The following TMEM132C variants were observed in gnomAD, a reference collection of about 807,000 sequenced individuals.
TMEM132C encodes the protein transmembrane protein 132C.
In TMEM132C, 29 loss-of-function variants were observed where a neutral mutation model predicts 61.4. The ratio of observed to expected loss-of-function variants is 0.47; its 90% CI spans 0.35 to 0.64. TMEM132C has a LOEUF of 0.64. Among genes scored for constraint, TMEM132C ranks in the 30% least tolerant of loss-of-function variants. The pLI, the probability that TMEM132C is intolerant of heterozygous loss-of-function variation, is 0.00. For synonymous variants in TMEM132C, 656 were observed against 633.1 expected, an observed-to-expected ratio of 1.04 and a Z score of -0.54; for missense variants, 1,408 against 1,476.9, an observed-to-expected ratio of 0.95 and a Z score of 0.76.
At chr12:128,537,327 C>T (rs375855437) in intron 2 of TMEM132C, among the ~76,000 whole-genome samples, 1 of 152,136 alleles carries the variant, frequency 6.6e-6, no homozygotes, top group East Asian at 1.9e-4. Context: ...CAAGTCTTTC[C>T]AAATGGCTGG....
intron 4 of TMEM132C, among the ~76,000 whole-genome samples, chr12:128,627,620 G>A (rs543718052): frequency 9.9e-5 from 15 of 152,276 alleles, no homozygotes; most frequent in South Asian, 6.2e-4. Context: ...CCCAAGCACC[G>A]GCACCCCAGG....
At chr12:128,468,561 C>T (rs957532907) in intron 2 of TMEM132C, among the ~76,000 whole-genome samples, 7 of 151,986 alleles carry the variant, frequency 4.6e-5, no homozygotes, top group East Asian at 3.9e-4. Flanking sequence ...TCAGGTGATC[C>T]GCCCGCCTCG....
chr12:128,495,119 G>A (rs954048137), intron 2 of TMEM132C, among the ~76,000 whole-genome samples: 17 of 149,980 alleles, frequency 1.1e-4, no homozygotes, highest in African/African-American at 4.2e-4. Flanking sequence ...TCATTCAGGA[G>A]CAGGTTGTTC....
chr12:128,323,130 G>A (rs1872391013), intron 1 of TMEM132C, among the ~76,000 whole-genome samples: 1 of 152,214 alleles, frequency 6.6e-6, no homozygotes, highest in Admixed American at 6.5e-5. Flanking sequence ...AGTACTGAGA[G>A]CATTACAGAA....
intron 3 of TMEM132C, among the ~76,000 whole-genome samples, chr12:128,596,605 C>A (rs1262113493): frequency 2.0e-5 from 3 of 150,790 alleles, no homozygotes; most frequent in East Asian, 3.9e-4. Context: ...GGCACCAGGG[C>A]TTCACTGATC....
chr12:128,406,163 A>G (rs1272250193), intron 1 of TMEM132C, among the ~76,000 whole-genome samples: 1 of 152,180 alleles, frequency 6.6e-6, no homozygotes, highest in Non-Finnish European at 1.5e-5. Flanking sequence ...ATTGGCTCCA[A>G]TTCTTCCTAC....
At chr12:128,327,507 C>T (rs1044328968) in intron 1 of TMEM132C, among the ~76,000 whole-genome samples, 5 of 139,756 alleles carry the variant, frequency 3.6e-5, no homozygotes, top group African/African-American at 1.7e-4. Flanking sequence ...CTCAACCTCC[C>T]GAGTAGCTGG....
At position 128,344,409 on chromosome 12, in the gene TMEM132C, C is replaced by T. The variant is rs543411239; in HGVS notation, c.86-70323C>T. Among the ~76,000 whole-genome samples the T allele has an allele frequency of 4.6e-4, 70 of 152,266 alleles. 1 individual carries two copies. The South Asian group carries it at 0.014, about 30-fold the overall frequency. On this transcript the variant is annotated intron_variant, in intron 1 of 8. Transcript: ENST00000435159. ...TTCTCACCTCGTGATCCACCCGCCT[C>T]GGCCTCCCAAAGTGCTGGGATTACA...
intron 3 of TMEM132C, among the ~76,000 whole-genome samples, chr12:128,579,288 G>T (rs941141884): frequency 6.6e-6 from 1 of 152,158 alleles, no homozygotes; most frequent in Non-Finnish European, 1.5e-5. Flanking sequence ...TTGTTCACAC[G>T]TCCAACATAC....
intron 1 of TMEM132C, among the ~76,000 whole-genome samples, chr12:128,269,768 G>A (rs1293563769): frequency 6.6e-6 from 1 of 151,742 alleles, no homozygotes; most frequent in Non-Finnish European, 1.5e-5. Context: ...TGCACCGTAA[G>A]ATATCTTCTA....
chr12:128,514,037 C>T (rs915348021), intron 2 of TMEM132C, among the ~76,000 whole-genome samples: 4 of 152,170 alleles, frequency 2.6e-5, no homozygotes, highest in Non-Finnish European at 2.9e-5. Context: ...GCTTGCCAGG[C>T]GGAATTACTG....
Position 128,705,371 on chromosome 12 carries a change from G to A in TMEM132C, c.2403G>A (p.Gln801=). The part of the protein sequence containing the change: ...GVGNVRVKFG[Q]NDADSSPGGD... ...GCAACGTCAGGGTCAAGTTCGGACA[G>A]AACGATGCTGACTCCAGCCCCGGCG... The change falls in exon 9 of 9, where the codon CAG becomes CAA. Residue 801 remains glutamine (Q), a synonymous_variant. Coordinates refer to ENST00000435159, the MANE Select transcript of TMEM132C (RefSeq NM_001136103.3). 1 of 1,551,390 alleles carries A rather than the reference G, an allele frequency of 6.4e-7. No individual in the cohort carries two copies. The highest frequency in any genetic ancestry group is 8.7e-7 in the Non-Finnish European group (1 of 1,147,000).
chr12:128,540,251 G>A (rs1173914399), intron 2 of TMEM132C, among the ~76,000 whole-genome samples: 1 of 152,002 alleles, frequency 6.6e-6, no homozygotes, highest in South Asian at 2.1e-4. Flanking sequence ...ATGATTCTCT[G>A]TTTTTGGTTT....
chr12:128,377,745 C>T (rs1874243545), intron 1 of TMEM132C, among the ~76,000 whole-genome samples: 1 of 152,226 alleles, frequency 6.6e-6, no homozygotes, highest in South Asian at 2.1e-4. Flanking sequence ...CCCAGCTCCT[C>T]ATTGTTAGGT....
intron 1 of TMEM132C, among the ~76,000 whole-genome samples, chr12:128,290,926 A>G (rs1871228020): frequency 6.6e-6 from 1 of 151,894 alleles, no homozygotes; most frequent in Non-Finnish European, 1.5e-5. Context: ...TGCTAAACCC[A>G]TTTCAGAATT....
At chr12:128,605,634 C>T (rs1302497361) in intron 3 of TMEM132C, among the ~76,000 whole-genome samples, 1 of 152,154 alleles carries the variant, frequency 6.6e-6, no homozygotes, top group Admixed American at 6.5e-5. Context: ...TCGACACCCT[C>T]AGTGGCATCA....
rs1218690149 is a variant in TMEM132C at position 128,267,293 on chromosome 12, G to A, written c.-110G>A. 5.9e-6 allele frequency: 4 copies of A among 680,802 alleles called. No homozygotes were observed. The highest frequency in any genetic ancestry group is 6.2e-5 in the South Asian group (1 of 16,088). The allele number at this position is 680,802 out of a possible 1,614,324, so 42.2% of individuals were successfully genotyped here. On this transcript the variant is annotated 5_prime_UTR_variant, in exon 1 of 9. Coordinates refer to ENST00000435159, the MANE Select transcript of TMEM132C (RefSeq NM_001136103.3). The stretch of plus-strand genomic sequence containing the variant: ...CGGACAGCAGAGACGCAGCGGGCCC[G>A]GCCGACCGGGCTGCGGGAGTGGCCC...
intron 4 of TMEM132C, among the ~76,000 whole-genome samples, chr12:128,664,965 A>G (rs1474602937): frequency 2.0e-5 from 3 of 152,074 alleles, no homozygotes; most frequent in Non-Finnish European, 4.4e-5. Context: ...ACACACAGGC[A>G]CTCACACATA....
At chr12:128,448,119 G>C (rs6486643) in intron 2 of TMEM132C, among the ~76,000 whole-genome samples, 3 of 151,280 alleles carry the variant, frequency 2.0e-5, no homozygotes. Context: ...AATTTTTTTT[G>C]TTGTTGTTGT....
Sources: allele counts gnomAD v4.1 joint callset (sites outside exome capture counted in the v4.1 genomes callset), GRCh38; gene constraint gnomAD v4.1.1; transcripts MANE v1.5; gene names NCBI Gene and HGNC (gene_info 2026-07-23, HGNC 2026-07-21).